Variants in LAMP2 observed in about 807,000 individuals in gnomAD.
The protein encoded by LAMP2 is lysosome associated membrane protein 2.
A neutral mutation model predicts 25.6 loss-of-function variants in LAMP2; 4 were observed. The observed-to-expected ratio is 0.16, with a 90% CI of 0.08 to 0.36. The LOEUF (loss-of-function observed/expected upper bound fraction) is 0.36. Among genes scored for constraint, LAMP2 ranks in the 10% least tolerant of loss-of-function variants. The pLI, the probability that LAMP2 is intolerant of heterozygous loss-of-function variation, is 1.00. For missense variants in LAMP2, 272 were observed against 301.4 expected, an observed-to-expected ratio of 0.90 and a Z score of 0.72; for synonymous variants, 108 against 112.7, an observed-to-expected ratio of 0.96 and a Z score of 0.27.
chrX:120,429,275 A>G lies in LAMP2; in HGVS notation c.*2048T>C, dbSNP rs1344078248. 1.1e-5 allele frequency: 8 copies of G among 745,365 alleles called. No homozygotes were observed. Among genetic ancestry groups the G allele is most frequent in the Non-Finnish European group, 1.3e-5 (8 of 637,750 alleles). The allele number at this position is 745,365 out of a possible 1,213,427, so 61.4% of individuals were successfully genotyped here. Reference sequence around the variant, plus strand: ...ATTCCACCGAACCACCAGGAAAGCAACATGTGCAATGTAGATTTTGAGTTC... The same window carrying G: ...ATTCCACCGAACCACCAGGAAAGCAGCATGTGCAATGTAGATTTTGAGTTC... On this transcript the variant is annotated 3_prime_UTR_variant, in exon 9 of 9. Transcript: ENST00000200639.
chrX:120,427,404 C>T lies in LAMP2; in HGVS notation c.*3919G>A, dbSNP rs1180108373. On this transcript the variant is annotated 3_prime_UTR_variant, in exon 9 of 9. Transcript: ENST00000200639. ...GTCTCCAGTACCTTACTCCAGAAGC[C>T]GGAGCCATTAGCAGTCCCTACAGGG... Among the ~76,000 whole-genome samples the T allele has an allele frequency of 9.0e-6, 1 of 110,769 alleles. No homozygotes were observed. Among genetic ancestry groups the T allele is most frequent in the Admixed American group, 9.7e-5 (1 of 10,314 alleles).
At chrX:120,438,963 C>G (rs1197429395) in intron 8 of LAMP2, 1 of 1,035,979 alleles carries the variant, frequency 9.7e-7, no homozygotes, top group Non-Finnish European at 1.2e-6. Flanking sequence ...TTTTAAATTC[C>G]TTGGTTGGAA....
chrX:120,442,845 G>A (rs2058579691), intron 6 of LAMP2, among the ~76,000 whole-genome samples, 183 bp from the exon 7 acceptor site: 1 of 111,981 alleles, frequency 8.9e-6, no homozygotes, highest in Admixed American at 9.4e-5. Context: ...CCTTTCCTCT[G>A]TATTTTGTTT....
Position 120,435,854 on chromosome X carries a change from T to C in LAMP2, c.1094-4392A>G, listed in dbSNP as rs901809222. On this transcript the variant is annotated intron_variant, in intron 8 of 8. Coordinates refer to ENST00000200639, the MANE Select transcript of LAMP2 (RefSeq NM_002294.3). ...TTCTTATGTGATATAGTAAGGTGAC[T>C]AGGTAACTATCCGTATATGGAAACT... Among the ~76,000 whole-genome samples, 3 of 111,377 alleles carry C rather than the reference T, an allele frequency of 2.7e-5. No homozygotes were observed. In the Admixed American group the frequency reaches 2.9e-4, roughly 11 times the overall value.
intron 1 of LAMP2, among the ~76,000 whole-genome samples, chrX:120,461,117 A>C (rs770027126): frequency 8.9e-6 from 1 of 112,411 alleles, no homozygotes; most frequent in South Asian, 3.6e-4. Flanking sequence ...TCTAGGAATG[A>C]AACTGTGGGG....
rs193922648 is a variant in LAMP2 at position 120,469,183 on chromosome X, A to AGGCGGCGAC, written c.-23_-15dup. 230 of 1,210,108 alleles carry AGGCGGCGAC rather than the reference A, an allele frequency of 1.9e-4. 1 individual carries two copies. Among genetic ancestry groups the AGGCGGCGAC allele is most frequent in the South Asian group, 1.4e-3 (79 of 56,893 alleles). ...GAAGCACACCATGACCCCGCAGAGC[A>AGGCGGCGAC]GGCGGCGACGGCGGCGACGGCGGCG... On this transcript the variant is annotated 5_prime_UTR_variant, in exon 1 of 9. Coordinates refer to ENST00000200639, the MANE Select transcript of LAMP2 (RefSeq NM_002294.3).
chrX:120,449,978 C>G (rs2058614486), intron 3 of LAMP2, among the ~76,000 whole-genome samples: 1 of 111,598 alleles, frequency 9.0e-6, no homozygotes, highest in African/African-American at 3.3e-5. Flanking sequence ...AAACACTTAT[C>G]TATGGTAGAA....
chrX:120,460,730 C>A (rs1921279963), intron 1 of LAMP2, among the ~76,000 whole-genome samples: 2 of 111,893 alleles, frequency 1.8e-5, no homozygotes, highest in Admixed American at 9.5e-5. Flanking sequence ...GAGGGTGGAT[C>A]ACTTGAGGTC....
intron 2 of LAMP2, among the ~76,000 whole-genome samples, chrX:120,456,326 G>A (rs1029304569): frequency 9.0e-6 from 1 of 111,181 alleles, no homozygotes; most frequent in African/African-American, 3.3e-5. Flanking sequence ...CAGATGGGAA[G>A]CTGCTTTTTA....
intron 8 of LAMP2, among the ~76,000 whole-genome samples, chrX:120,433,359 G>C (rs780151366): frequency 2.1e-4 from 23 of 111,258 alleles, no homozygotes; most frequent in Non-Finnish European, 3.4e-4. Context: ...ATTAAGGCAG[G>C]ACAAAAGGGA....
chrX:120,438,881 T>C, intron 8 of LAMP2: 6 of 877,998 alleles, frequency 6.8e-6, no homozygotes, highest in Middle Eastern at 5.3e-4. Flanking sequence ...AACACTGAAA[T>C]ACTAATTCAA....
intron 8 of LAMP2, chrX:120,436,456 A>C: frequency 1.4e-6 from 1 of 726,598 alleles, no homozygotes; most frequent in Non-Finnish European, 1.6e-6. Context: ...TAGTATACAA[A>C]ATCTTGACTT....
chrX:120,463,416 A>G (rs996755778), intron 1 of LAMP2, among the ~76,000 whole-genome samples: 1 of 112,242 alleles, frequency 8.9e-6, no homozygotes, highest in African/African-American at 3.2e-5. Context: ...CAACTAATGG[A>G]AAGTGCTTAT....
rs1327449734 is a variant in LAMP2 at position 120,426,304 on chromosome X, GTTCT to G, written c.*5015_*5018del. On this transcript the variant is annotated 3_prime_UTR_variant, in exon 9 of 9. Transcript: ENST00000200639. The stretch of plus-strand genomic sequence containing the variant: ...AAACTTTAGTTAGCAGCAAGCATCA[GTTCT>G]TCCAAAGCAGCTTAGGTGAAAAACA... Among the ~76,000 whole-genome samples, 3 of 105,073 alleles carry G rather than the reference GTTCT, an allele frequency of 2.9e-5. No homozygotes were observed. Among genetic ancestry groups the G allele is most frequent in the Non-Finnish European group, 5.8e-5 (3 of 51,292 alleles). 91.2% of individuals were successfully genotyped at this position (105,073 alleles called of 115,157 possible). A position where few individuals can be genotyped will look rare whatever the true frequency, so the allele number is the denominator to read the frequency against.
At chrX:120,451,596 C>G (rs149265131) in intron 3 of LAMP2, among the ~76,000 whole-genome samples, 1,394 of 110,989 alleles carry the variant, frequency 0.013, 33 homozygotes, top group African/African-American at 0.041. Flanking sequence ...TCCTGAGTAG[C>G]TGGGATTACA....
At chrX:120,442,500 T>C in intron 7 of LAMP2, 99 bp downstream of exon 7, 1 of 699,990 alleles carries the variant, frequency 1.4e-6, no homozygotes, top group Non-Finnish European at 2.3e-6. Flanking sequence ...GCATCTTCTG[T>C]TTCATTAAAT....
intron 8 of LAMP2, chrX:120,437,247 A>G: frequency 1.4e-6 from 1 of 729,839 alleles, no homozygotes; most frequent in East Asian, 1.5e-4. Context: ...AATATAACTC[A>G]GTTATATTGT....
At chrX:120,440,209 G>A (rs1320741486) in intron 8 of LAMP2, among the ~76,000 whole-genome samples, 1 of 111,718 alleles carries the variant, frequency 9.0e-6, no homozygotes, top group East Asian at 2.8e-4. Context: ...TGCAGATCGT[G>A]ACTTAGTACA....
intron 8 of LAMP2, among the ~76,000 whole-genome samples, chrX:120,436,028 G>A (rs1258035403): frequency 9.0e-6 from 1 of 110,600 alleles, no homozygotes; most frequent in Admixed American, 9.7e-5. Context: ...TAGGAATTGA[G>A]AAAAGTGTAC....
Sources: allele counts gnomAD v4.1 joint callset (sites outside exome capture counted in the v4.1 genomes callset), GRCh38; gene constraint gnomAD v4.1.1; transcripts MANE v1.5; gene names NCBI Gene and HGNC (gene_info 2026-07-23, HGNC 2026-07-21).